The following GSX2 variants were observed in gnomAD, a reference collection of about 807,000 sequenced individuals.
The protein encoded by GSX2 is GS homeobox 2.
Under a neutral mutation model 19.2 loss-of-function variants are expected in GSX2, and 16 were observed. The observed-to-expected ratio is 0.84, with a 90% confidence interval of 0.57 to 1.27. GSX2 has a LOEUF of 1.27. Among genes scored for constraint, GSX2 ranks in the 50% most tolerant of loss-of-function variants. The probability of loss-of-function intolerance (pLI) is 0.00; values close to 1 mark genes in which losing one functional copy is unlikely to be tolerated. For missense variants in GSX2, 448 were observed against 428.4 expected (o/e 1.05, Z -0.40); for synonymous variants, 217 against 196.4 (o/e 1.10, Z -0.88).
Position 54,100,456 on chromosome 4 carries a change from C to A in GSX2, c.112C>A (p.Pro38Thr), listed in dbSNP as rs1480589176. 10 of 1,613,962 alleles carry A rather than the reference C, an allele frequency of 6.2e-6. No homozygotes were observed. Among genetic ancestry groups the A allele is most frequent in the East Asian group, 2.2e-5 (1 of 44,844 alleles). The stretch of plus-strand genomic sequence containing the variant: ...GGATTTCTTCATCCCGCTTGGCATG[C>A]CGCCCCCATTGGTGATGTCCGTGTC... ...GPDFFIPLGM[P>T]PPLVMSVSGP... The change falls in exon 1 of 2, where the codon CCG becomes ACG. Residue 38 changes from proline (P) to threonine (T), a missense_variant. Pro to Thr is a conservative substitution (Grantham distance 38, BLOSUM62 -1). Transcript: ENST00000326902.
rs1338070398 is a variant in GSX2 at position 54,100,578 on chromosome 4, C to G, written c.234C>G (p.Ala78=). 8 of 1,581,242 alleles carry G rather than the reference C, an allele frequency of 5.1e-6. No individual in the cohort carries two copies. The highest frequency in any genetic ancestry group is 6.9e-6 in the Non-Finnish European group (8 of 1,165,646). The part of the protein sequence containing the change: ...HLHSSRGSVG[A]GSGGAGAGVT... ...ACTCCTCTCGGGGGTCTGTGGGCGC[C>G]GGCAGCGGGGGCGCAGGGGCCGGGG... The change falls in exon 1 of 2, where the codon GCC becomes GCG. Residue 78 remains alanine, a synonymous_variant. Coordinates refer to ENST00000326902, the MANE Select transcript of GSX2 (RefSeq NM_133267.3).
chr4:54,101,959 A>G lies in GSX2; in HGVS notation c.*37A>G. 6.7e-7 allele frequency: 1 copy of G among 1,495,326 alleles called. No homozygotes were observed. The allele number at this position is 1,495,326 out of a possible 1,614,324, so 92.6% of individuals were successfully genotyped here. ...CTCCCTCACATCCCCCGCTCCTGGC[A>G]GACCAGGCAACGCCAAGGCGTGGGG... is the stretch of plus-strand genomic sequence containing the variant. On this transcript the variant is annotated 3_prime_UTR_variant, in exon 2 of 2. Coordinates refer to ENST00000326902, the MANE Select transcript of GSX2 (RefSeq NM_133267.3). This position sits in a 1 kb window ranked among gnomAD's most constrained non-coding sequence, Gnocchi z 5.0.
In GSX2 at chr4:54,101,413, G is replaced by A. The variant is rs550900040; in HGVS notation, c.575-169G>A. Among the ~76,000 whole-genome samples, 3 of 152,162 alleles carry A rather than the reference G, an allele frequency of 2.0e-5. No homozygotes were observed. Among genetic ancestry groups the A allele is most frequent in the Admixed American group, 6.5e-5 (1 of 15,268 alleles). ...TCGAAGACCTTTATTTGCTTTGCACGTCTCTTTTCTTCCCCGCTAAGCAAC... is the reference window on the plus strand; with the variant it reads ...TCGAAGACCTTTATTTGCTTTGCACATCTCTTTTCTTCCCCGCTAAGCAAC... On this transcript the variant is annotated intron_variant, in intron 1 of 1. Transcript: ENST00000326902. This position sits in a 1 kb window ranked among gnomAD's most constrained non-coding sequence, Gnocchi z 5.0.
rs528852767 is a variant in GSX2, at chr4:54,100,612, G to A, written c.268G>A (p.Ala90Thr). ...SGGAGAGVTG[A>T]GGSGVAGAAG... is the part of the protein sequence containing the mutation. ...GGGCGCAGGGGCCGGGGTTACCGGG[G>A]CCGGAGGCAGTGGGGTGGCAGGGGC... The change falls in exon 1 of 2, where the codon GCC becomes ACC. Residue 90 changes from alanine to threonine, a missense_variant. Physicochemically the swap from Ala to Thr is moderately conservative, Grantham distance 58 (BLOSUM62 0). Coordinates refer to ENST00000326902, the MANE Select transcript of GSX2 (RefSeq NM_133267.3). The A allele has an allele frequency of 1.2e-4, 193 of 1,555,630 alleles. 2 individuals carry two copies. The South Asian group carries it at 1.9e-3, about 15-fold the overall frequency.
rs1187855647 is a variant in GSX2, at chr4:54,100,453, AT to A, written c.110del (p.Met37SerfsTer6). 2 of 1,613,622 alleles carry A rather than the reference AT, an allele frequency of 1.2e-6. No individual in the cohort carries two copies. The highest frequency in any genetic ancestry group is 2.7e-5 in the African/African-American group (2 of 74,816). On this transcript the variant is annotated frameshift_variant, in exon 1 of 2. Transcript: ENST00000326902. LOFTEE classifies it high-confidence loss of function. ...PGPDFFIPLG[M>X]PPPLVMSVSG... Reference sequence around the variant, plus strand: ...GCCGGATTTCTTCATCCCGCTTGGCATGCCGCCCCCATTGGTGATGTCCGTG... The same window carrying A: ...GCCGGATTTCTTCATCCCGCTTGGCAGCCGCCCCCATTGGTGATGTCCGTG...
chr4:54,100,970 G>A (rs746447660), intron 1 of GSX2, 52 bp downstream of exon 1: 61 of 1,483,764 alleles, frequency 4.1e-5, no homozygotes, highest in Non-Finnish European at 5.1e-5. Context: ...CGCTCCTGGA[G>A]CAAACTTTCC....
rs762265876 is a variant in GSX2, at chr4:54,100,624, G to T, written c.280G>T (p.Gly94Trp). The change falls in exon 1 of 2, where the codon GGG becomes TGG. Residue 94 changes from glycine to tryptophan, a missense_variant. Physicochemically the swap from Gly to Trp is radical, Grantham distance 184. Coordinates refer to ENST00000326902, the MANE Select transcript of GSX2 (RefSeq NM_133267.3). ...CGGGGTTACCGGGGCCGGAGGCAGT[G>T]GGGTGGCAGGGGCCGCAGGGGCACT... ...GAGVTGAGGS[G>W]VAGAAGALPL... 2 of 1,550,482 alleles carry T rather than the reference G, an allele frequency of 1.3e-6. No homozygotes were observed. The highest frequency in any genetic ancestry group is 4.9e-5 in the East Asian group (2 of 41,076).
rs1357260802 is a variant in GSX2 at position 54,101,856 on chromosome 4, C to T, written c.849C>T (p.Arg283=). 6.2e-7 allele frequency: 1 copy of T among 1,614,064 alleles called. No individual in the cohort carries two copies. Among genetic ancestry groups the T allele is most frequent in the Admixed American group, 1.7e-5 (1 of 60,026 alleles). Residue 283 remains arginine, a synonymous_variant, in exon 2 of 2, where the codon CGC becomes CGT. Coordinates refer to ENST00000326902, the MANE Select transcript of GSX2 (RefSeq NM_133267.3). The surrounding 1 kb of genome is among the most constrained non-coding windows in gnomAD (Gnocchi z 5.0). ...KCVGSQVHYA[R]SEDEDSLSPA... Reference sequence around the variant, plus strand: ...TCGGGAGCCAGGTGCACTACGCGCGCTCCGAGGATGAGGACTCCCTGTCGC... The same window carrying T: ...TCGGGAGCCAGGTGCACTACGCGCGTTCCGAGGATGAGGACTCCCTGTCGC...
In GSX2 at chr4:54,100,806, AGCGGCGGCGGCGGCC is replaced by A. The variant is rs1427789758; in HGVS notation, c.471_485del (p.Ala158_Ala162del). On this transcript the variant is annotated inframe_deletion, in exon 1 of 2. Transcript: ENST00000326902. ...CGGCCGCGGCGGCGGCAGCAGCAGC[AGCGGCGGCGGCGGCC>A]GCGGCGGCCTTGGGGCACCCGCAGC... The A allele has an allele frequency of 1.2e-5, 18 of 1,453,126 alleles. No individual in the cohort carries two copies. Among genetic ancestry groups the A allele is most frequent in the Non-Finnish European group, 1.6e-5 (18 of 1,111,106 alleles). The allele number at this position is 1,453,126 out of a possible 1,614,324, so 90.0% of individuals were successfully genotyped here.
chr4:54,101,816 C>G lies in GSX2; in HGVS notation c.809C>G (p.Ala270Gly). The G allele has an allele frequency of 6.2e-7, 1 of 1,614,186 alleles. No homozygotes were observed. The highest frequency in any genetic ancestry group is 8.5e-7 in the Non-Finnish European group (1 of 1,180,026). The change falls in exon 2 of 2, where the codon GCG (alanine) becomes GGG (glycine). Residue 270 changes from alanine to glycine, a missense_variant. Transcript: ENST00000326902. This position sits in a 1 kb window ranked among gnomAD's most constrained non-coding sequence, Gnocchi z 5.0. ...EGKGTQRNSH[A>G]GCKCVGSQVH... Reference sequence around the variant, plus strand: ...AAGGGCACGCAGAGGAACAGTCACGCGGGCTGCAAGTGCGTCGGGAGCCAG... The same window carrying G: ...AAGGGCACGCAGAGGAACAGTCACGGGGGCTGCAAGTGCGTCGGGAGCCAG...
chr4:54,101,684 A>T lies in GSX2; in HGVS notation c.677A>T (p.Tyr226Phe). 7 of 1,614,004 alleles carry T rather than the reference A, an allele frequency of 4.3e-6. No homozygotes were observed. The highest frequency in any genetic ancestry group is 5.9e-6 in the Non-Finnish European group (7 of 1,179,890). The change falls in exon 2 of 2, where the codon TAC becomes TTC. Residue 226 changes from tyrosine to phenylalanine, a missense_variant. Physicochemically the swap from Tyr to Phe is conservative, Grantham distance 22 (BLOSUM62 3). Coordinates refer to ENST00000326902, the MANE Select transcript of GSX2 (RefSeq NM_133267.3). The surrounding 1 kb of genome is among the most constrained non-coding windows in gnomAD (Gnocchi z 5.0). ...ELEREFSSNM[Y>F]LSRLRRIEIA... ...GAGAGAGAATTCTCTTCCAACATGTACCTGTCTCGACTCCGGAGGATTGAA... is the reference window on the plus strand; with the variant it reads ...GAGAGAGAATTCTCTTCCAACATGTTCCTGTCTCGACTCCGGAGGATTGAA...
Position 54,100,518 on chromosome 4 carries a change from C to A in GSX2, c.174C>A (p.Phe58Leu). 6.2e-7 allele frequency: 1 copy of A among 1,613,160 alleles called. No homozygotes were observed. Among genetic ancestry groups the A allele is most frequent in the South Asian group, 1.1e-5 (1 of 90,958 alleles). The change falls in exon 1 of 2, where the codon TTC becomes TTA. Residue 58 changes from phenylalanine to leucine, a missense_variant. Coordinates refer to ENST00000326902, the MANE Select transcript of GSX2 (RefSeq NM_133267.3). ...GCCCGTCCCGCAAGAGCGGCGCGTTCTGCGTGTGCCCTCTCTGCGTCACTT... is the reference window on the plus strand; with the variant it reads ...GCCCGTCCCGCAAGAGCGGCGCGTTATGCGTGTGCCCTCTCTGCGTCACTT... ...PGCPSRKSGA[F>L]CVCPLCVTSH...
In GSX2 at chr4:54,101,970, C is replaced by T; in HGVS notation, c.*48C>T. 3.4e-6 allele frequency: 5 copies of T among 1,456,288 alleles called. No homozygotes were observed. Among genetic ancestry groups the T allele is most frequent in the Non-Finnish European group, 4.6e-6 (5 of 1,083,644 alleles). 90.2% of individuals were successfully genotyped at this position (1,456,288 alleles called of 1,614,324 possible). A position where few individuals can be genotyped will look rare whatever the true frequency, so the allele number is the denominator to read the frequency against. ...CCCCCGCTCCTGGCAGACCAGGCAA[C>T]GCCAAGGCGTGGGGCACCCAGGGGC... On this transcript the variant is annotated 3_prime_UTR_variant, in exon 2 of 2. Transcript: ENST00000326902. The surrounding 1 kb of genome is among the most constrained non-coding windows in gnomAD (Gnocchi z 5.0).
chr4:54,100,353 C>T lies in GSX2; in HGVS notation c.9C>T (p.Arg3=). The T allele has an allele frequency of 2.5e-6, 4 of 1,613,572 alleles. No individual in the cohort carries two copies. The highest frequency in any genetic ancestry group is 3.4e-6 in the Non-Finnish European group (4 of 1,179,942). MS[R]SFYVDSLIIK... is the part of the protein sequence containing the mutation. ...CACCCACCCCTCTCGACATGTCGCG[C>T]TCCTTCTATGTCGACTCGCTCATCA... Residue 3 remains arginine, a synonymous_variant, in exon 1 of 2, where the codon CGC becomes CGT. Transcript: ENST00000326902.
In GSX2 at chr4:54,101,572, C is replaced by G; in HGVS notation, c.575-10C>G. On this transcript the variant is annotated splice_polypyrimidine_tract_variant and intron_variant, in intron 1 of 1. Coordinates refer to ENST00000326902, the MANE Select transcript of GSX2 (RefSeq NM_133267.3). The surrounding 1 kb of genome is among the most constrained non-coding windows in gnomAD (Gnocchi z 5.0). ...CCTTACCTCTCTACCCTCTCTTCGC[C>G]GGTCCGCAGGAGGCTCTGACGCCAG... 1.9e-6 allele frequency: 3 copies of G among 1,598,112 alleles called. No individual in the cohort carries two copies. The highest frequency in any genetic ancestry group is 3.4e-5 in the Admixed American group (2 of 59,638).
rs761947645 is a variant in GSX2 at position 54,100,434 on chromosome 4, TTTC to T, written c.94_96del (p.Phe32del). Reference sequence around the variant, plus strand: ...TGCCTGAACCGCACCCCGGGCCGGATTTCTTCATCCCGCTTGGCATGCCGCCCC... The same window carrying T: ...TGCCTGAACCGCACCCCGGGCCGGATTTCATCCCGCTTGGCATGCCGCCCC... On this transcript the variant is annotated inframe_deletion, in exon 1 of 2. Transcript: ENST00000326902. 6.2e-7 allele frequency: 1 copy of T among 1,613,992 alleles called. No homozygotes were observed. Among genetic ancestry groups the T allele is most frequent in the Non-Finnish European group, 8.5e-7 (1 of 1,179,958 alleles).
Position 54,100,788 on chromosome 4 carries a change from G to C in GSX2, c.444G>C (p.Ala148=). Residue 148 remains alanine (A), a synonymous_variant, in exon 1 of 2, where the codon GCG becomes GCC. Transcript: ENST00000326902. ...HHQPQQPGSA[A]AAAAAAAAAA... is the part of the protein sequence containing the mutation. ...AGCCCCAGCAGCCTGGCTCGGCCGC[G>C]GCGGCGGCAGCAGCAGCAGCGGCGG... is the stretch of plus-strand genomic sequence containing the variant. The C allele has an allele frequency of 6.9e-7, 1 of 1,451,358 alleles. No homozygotes were observed. The highest frequency in any genetic ancestry group is 9.1e-7 in the Non-Finnish European group (1 of 1,104,690). 89.9% of individuals were successfully genotyped at this position (1,451,358 alleles called of 1,614,324 possible).
chr4:54,100,494 C>T lies in GSX2; in HGVS notation c.150C>T (p.Cys50=). ...PLVMSVSGPG[C]PSRKSGAFCV... Reference sequence around the variant, plus strand: ...TGATGTCCGTGTCCGGCCCCGGCTGCCCGTCCCGCAAGAGCGGCGCGTTCT... The same window carrying T: ...TGATGTCCGTGTCCGGCCCCGGCTGTCCGTCCCGCAAGAGCGGCGCGTTCT... Residue 50 remains cysteine, a synonymous_variant, in exon 1 of 2, where the codon TGC becomes TGT. Transcript: ENST00000326902. The T allele has an allele frequency of 6.2e-7, 1 of 1,613,712 alleles. No individual in the cohort carries two copies. Among genetic ancestry groups the T allele is most frequent in the Non-Finnish European group, 8.5e-7 (1 of 1,179,902 alleles).
Position 54,100,618 on chromosome 4 carries a change from G to C in GSX2, c.274G>C (p.Gly92Arg). 6.4e-7 allele frequency: 1 copy of C among 1,554,160 alleles called. No individual in the cohort carries two copies. Among genetic ancestry groups the C allele is most frequent in the Non-Finnish European group, 8.7e-7 (1 of 1,149,646 alleles). Residue 92 changes from glycine to arginine, a missense_variant, in exon 1 of 2, where the codon GGC (glycine) becomes CGC (arginine). Gly to Arg is a moderately radical substitution (Grantham distance 125). Transcript: ENST00000326902. ...GAGAGVTGAG[G>R]SGVAGAAGAL... ...AGGGGCCGGGGTTACCGGGGCCGGA[G>C]GCAGTGGGGTGGCAGGGGCCGCAGG...
Sources: allele counts gnomAD v4.1 joint callset (sites outside exome capture counted in the v4.1 genomes callset), GRCh38; gene constraint gnomAD v4.1.1; non-coding constraint Gnocchi (gnomAD v3.1); transcripts MANE v1.5; gene names NCBI Gene and HGNC (gene_info 2026-07-23, HGNC 2026-07-21).